DLGAP2: variants seen among roughly 807,000 people sequenced by gnomAD.
DLGAP2 encodes disks large-associated protein 2.
In DLGAP2, 26 loss-of-function variants were observed where a neutral mutation model predicts 100.3. The ratio of observed to expected loss-of-function variants is 0.26; its 90% CI spans 0.19 to 0.36. DLGAP2 has a LOEUF of 0.36. Among genes scored for constraint, DLGAP2 ranks in the 10% least tolerant of loss-of-function variants. The pLI is 1.00. For synonymous variants in DLGAP2, 886 were observed against 630.1 expected (o/e 1.41, Z -6.08); for missense variants, 1,858 against 1,453.2 (o/e 1.28, Z -4.53).
intron 2 of DLGAP2, among the ~76,000 whole-genome samples, chr8:996,876 A>G (rs1478068384): frequency 6.6e-6 from 1 of 152,198 alleles, no homozygotes; most frequent in Admixed American, 6.5e-5. Context: ...TTACACATAG[A>G]TTTTAAAGCT....
intron 2 of DLGAP2, among the ~76,000 whole-genome samples, chr8:1,151,525 C>T (rs1300311437): frequency 6.6e-6 from 1 of 152,148 alleles, no homozygotes; most frequent in South Asian, 2.1e-4. Context: ...GTTTGCAGAT[C>T]CTCAGTGCAG....
intron 13 of DLGAP2, among the ~76,000 whole-genome samples, chr8:1,694,528 C>G (rs1052118578): frequency 1.3e-5 from 2 of 152,164 alleles, no homozygotes; most frequent in African/African-American, 2.4e-5. Flanking sequence ...CACATAATAC[C>G]GGAAATAACT....
intron 4 of DLGAP2, among the ~76,000 whole-genome samples, chr8:1,505,426 A>C (rs1310394376): frequency 6.6e-6 from 1 of 152,246 alleles, no homozygotes; most frequent in East Asian, 1.9e-4. Flanking sequence ...AGCTCCAAGG[A>C]AAGCTGAGTA....
chr8:1,342,690 C>G (rs1047513880), intron 3 of DLGAP2, among the ~76,000 whole-genome samples: 4 of 152,162 alleles, frequency 2.6e-5, no homozygotes, highest in Non-Finnish European at 5.9e-5. Flanking sequence ...CTTTATATTC[C>G]TCTCTTAACA....
intron 4 of DLGAP2, among the ~76,000 whole-genome samples, chr8:1,545,950 C>G (rs1015715383): frequency 2.6e-5 from 4 of 152,122 alleles, no homozygotes; most frequent in African/African-American, 9.7e-5. Context: ...TATTAAATTA[C>G]ACGTTAATGG....
intron 1 of DLGAP2, among the ~76,000 whole-genome samples, chr8:827,029 G>C (rs180964806): frequency 6.6e-6 from 1 of 152,284 alleles, no homozygotes; most frequent in African/African-American, 2.4e-5. Context: ...GTTCTCAAAT[G>C]GGGGCAGTTT....
At chr8:1,213,592 A>T (rs1420085350) in intron 2 of DLGAP2, among the ~76,000 whole-genome samples, 1 of 152,142 alleles carries the variant, frequency 6.6e-6, no homozygotes, top group East Asian at 1.9e-4. Context: ...TCTTCCTCAG[A>T]TATGGATAGC....
In DLGAP2 at chr8:993,572, G is replaced by C. The variant is rs11985680; in HGVS notation, c.73+85606G>C. Among the ~76,000 whole-genome samples the C allele has an allele frequency of 4.7e-3, 696 of 147,078 alleles. 34 individuals are homozygous for C. Among genetic ancestry groups the C allele is most frequent in the African/African-American group, 0.017 (639 of 36,812 alleles). On this transcript the variant is annotated intron_variant, in intron 2 of 14. Transcript: ENST00000637795. ...GGAACTTCCAGGGGCGTTTGTTTCT[G>C]CTGGTCATCTCAGCTCGTGTTCTCC...
At chr8:972,812 G>C (rs1800049533) in intron 2 of DLGAP2, among the ~76,000 whole-genome samples, 1 of 152,132 alleles carries the variant, frequency 6.6e-6, no homozygotes, top group African/African-American at 2.4e-5. Context: ...TTAGGGAGTG[G>C]TGATGACTCT....
intron 3 of DLGAP2, among the ~76,000 whole-genome samples, chr8:1,364,075 G>A (rs543206948): frequency 6.6e-6 from 1 of 152,174 alleles, no homozygotes; most frequent in Non-Finnish European, 1.5e-5. Flanking sequence ...GCCGCCTTCA[G>A]GTGCAGACCC....
At chr8:1,040,987 C>A (rs1051643328) in intron 2 of DLGAP2, among the ~76,000 whole-genome samples, 9 of 152,140 alleles carry the variant, frequency 5.9e-5, no homozygotes, top group Non-Finnish European at 1.3e-4. Flanking sequence ...AAACAACATA[C>A]ATAGGACATA....
At chr8:994,931 G>A (rs186536964) in intron 2 of DLGAP2, among the ~76,000 whole-genome samples, 49 of 152,254 alleles carry the variant, frequency 3.2e-4, no homozygotes, top group Admixed American at 1.8e-3. Context: ...ATCGGACAAC[G>A]GTGGTACAGT....
intron 2 of DLGAP2, among the ~76,000 whole-genome samples, chr8:1,226,573 C>G (rs999278858): frequency 1.1e-4 from 17 of 152,206 alleles, no homozygotes; most frequent in South Asian, 2.1e-4. Flanking sequence ...CACACATTTC[C>G]CTATGTAACA....
intron 3 of DLGAP2, among the ~76,000 whole-genome samples, chr8:1,374,381 C>T (rs1267990018): frequency 1.3e-5 from 2 of 151,922 alleles, no homozygotes; most frequent in Non-Finnish European, 2.9e-5. Flanking sequence ...AGCAGGGAGG[C>T]AGCTCCCTGA....
At chr8:1,505,963 A>T (rs1799898314) in intron 4 of DLGAP2, among the ~76,000 whole-genome samples, 1 of 152,270 alleles carries the variant, frequency 6.6e-6, no homozygotes, top group Non-Finnish European at 1.5e-5. Flanking sequence ...TTAAATTATC[A>T]AAGTATATTA....
chr8:1,624,752 T>G (rs921039438), intron 6 of DLGAP2, among the ~76,000 whole-genome samples: 1 of 152,014 alleles, frequency 6.6e-6, no homozygotes, highest in Non-Finnish European at 1.5e-5. Flanking sequence ...ACTGCCCAGG[T>G]GCAGCGGGAG....
At chr8:988,344 G>A (rs1302518656) in intron 2 of DLGAP2, among the ~76,000 whole-genome samples, 1 of 152,164 alleles carries the variant, frequency 6.6e-6, no homozygotes, top group South Asian at 2.1e-4. Context: ...AGCCCTGTAA[G>A]TCTCTTGGCA....
intron 3 of DLGAP2, among the ~76,000 whole-genome samples, chr8:1,270,472 C>G (rs1209469194): frequency 6.6e-6 from 1 of 152,150 alleles, no homozygotes; most frequent in Non-Finnish European, 1.5e-5. Flanking sequence ...TCCACTCTTG[C>G]CTTACGTCCA....
Position 1,260,903 on chromosome 8 carries a change from C to T in DLGAP2, c.106+2020C>T, listed in dbSNP as rs1281237064. ...GACCTCTCAGGCCCAGCACCACTGA[C>T]GTCAGGCCAGAGTGCGTGGTCCTGG... On this transcript the variant is annotated intron_variant, in intron 3 of 14. Coordinates refer to ENST00000637795, the MANE Select transcript of DLGAP2 (RefSeq NM_001346810.2). Among the ~76,000 whole-genome samples the T allele has an allele frequency of 1.5e-4, 23 of 152,222 alleles. 1 individual carries two copies. The highest frequency in any genetic ancestry group is 1.4e-3 in the Admixed American group (22 of 15,282).
Sources: gnomAD v4.1 joint callset for allele counts (sites outside exome capture counted in the v4.1 genomes callset) on GRCh38, gnomAD v4.1.1 for gene constraint, MANE v1.5 for transcripts, NCBI Gene and HGNC (gene_info 2026-07-23, HGNC 2026-07-21) for gene names.